Variants in NELL1 observed in about 807,000 individuals in gnomAD.
NELL1 encodes protein kinase C-binding protein NELL1.
NELL1 carries 76 observed loss-of-function variants against 107.4 expected under a neutral mutation model. That is an observed-to-expected ratio of 0.71 (90% CI 0.59 to 0.86). NELL1 has a LOEUF of 0.86. Ranked by LOEUF, NELL1 falls within the 40% of genes least tolerant of loss-of-function variation. NELL1 has a pLI of 0.00. For synonymous variants in NELL1, 353 were observed against 341.2 expected (o/e 1.03, Z -0.38); for missense variants, 1,024 against 1,005.5 (o/e 1.02, Z -0.25).
chr11:21,424,446 C>A (rs951801462), intron 15 of NELL1, among the ~76,000 whole-genome samples: 1 of 151,974 alleles, frequency 6.6e-6, no homozygotes, highest in Non-Finnish European at 1.5e-5. Context: ...CATGGTGAAA[C>A]CCCATCTCCA....
chr11:21,038,676 T>G (rs1448365629), intron 12 of NELL1, among the ~76,000 whole-genome samples: 2 of 152,314 alleles, frequency 1.3e-5, no homozygotes, highest in East Asian at 3.9e-4. Flanking sequence ...CTCCATTGCA[T>G]TTATCATGAT....
At chr11:20,930,803 AG>A in intron 9 of NELL1, among the ~76,000 whole-genome samples, 1 of 144,228 alleles carries the variant, frequency 6.9e-6, no homozygotes, top group East Asian at 2.0e-4. Flanking sequence ...CTAAAACATC[AG>A]TTTTTTTTTT....
At chr11:21,325,317 T>G (rs1445727386) in intron 14 of NELL1, among the ~76,000 whole-genome samples, 1 of 152,090 alleles carries the variant, frequency 6.6e-6, no homozygotes, top group Non-Finnish European at 1.5e-5. Context: ...TAAATAATGC[T>G]TCAGAGGATT....
rs1364672656 is a variant in NELL1 at position 20,820,522 on chromosome 11, TAATTCATAATAA to T, written c.336-27057_336-27046del. 3.3e-5 allele frequency among the ~76,000 whole-genome samples: 5 copies of T among 152,170 alleles called. No homozygotes were observed. In the East Asian group the frequency reaches 7.7e-4, roughly 24 times the overall value. ...TAGCACTCTTAAATTTCTTCTCCACTAATTCATAATAAAATCCAAAGTCCTTACCAAGGCTGT... is the reference window on the plus strand; with the variant it reads ...TAGCACTCTTAAATTTCTTCTCCACTAATCCAAAGTCCTTACCAAGGCTGT... On this transcript the variant is annotated intron_variant, in intron 3 of 19. Coordinates refer to ENST00000357134, the MANE Select transcript of NELL1 (RefSeq NM_006157.5).
intron 15 of NELL1, among the ~76,000 whole-genome samples, chr11:21,396,638 G>A (rs1367932317): frequency 6.6e-6 from 1 of 151,578 alleles, no homozygotes; most frequent in Non-Finnish European, 1.5e-5. Context: ...AATTATTAAT[G>A]CATGATTTAA....
chr11:21,169,470 C>T (rs10500896), intron 13 of NELL1, among the ~76,000 whole-genome samples: 51,242 of 151,638 alleles, frequency 0.34, 9,087 homozygotes, highest in Middle Eastern at 0.4. Flanking sequence ...TGCAGAACTC[C>T]AGGGTATACA....
chr11:21,292,483 C>T (rs1358348666), intron 14 of NELL1, among the ~76,000 whole-genome samples: 1 of 152,032 alleles, frequency 6.6e-6, no homozygotes, highest in Non-Finnish European at 1.5e-5. Context: ...GAATCAGTAT[C>T]GTGAAAATGG....
chr11:21,196,252 A>T (rs1857149153), intron 13 of NELL1, among the ~76,000 whole-genome samples: 1 of 152,158 alleles, frequency 6.6e-6, no homozygotes, highest in Admixed American at 6.5e-5. Context: ...CACAGTGCTA[A>T]GCAATTCTTA....
chr11:21,473,216 G>A (rs182326674), intron 15 of NELL1, among the ~76,000 whole-genome samples: 79 of 152,120 alleles, frequency 5.2e-4, no homozygotes, highest in Non-Finnish European at 1.0e-3. Context: ...AACATTCCAG[G>A]TAGAAGAATG....
intron 5 of NELL1, among the ~76,000 whole-genome samples, chr11:20,890,649 G>A (rs796474604): frequency 6.6e-6 from 1 of 152,014 alleles, no homozygotes; most frequent in Admixed American, 6.6e-5. Context: ...AGAATAACCA[G>A]CTTAGAGAGG....
chr11:20,675,856 G>A (rs1249574436), intron 1 of NELL1, among the ~76,000 whole-genome samples: 1 of 151,886 alleles, frequency 6.6e-6, no homozygotes, highest in Non-Finnish European at 1.5e-5. Context: ...TGCTTCCTGG[G>A]TGCAGGTGAT....
intron 15 of NELL1, among the ~76,000 whole-genome samples, chr11:21,514,691 GCTGTTTCTGGCCAGGGGGCAGA>G (rs1855516074): frequency 7.0e-6 from 1 of 142,972 alleles, no homozygotes; most frequent in African/African-American, 3.0e-5. Flanking sequence ...ATGTGTGTGG[GCTGTTTCTGGCCAGGGGGCAGA>G]CTGTTTGGGT....
chr11:21,495,942 G>T (rs555220705), intron 15 of NELL1, among the ~76,000 whole-genome samples: 1 of 151,872 alleles, frequency 6.6e-6, no homozygotes, highest in Non-Finnish European at 1.5e-5. Context: ...CTGTGACTTT[G>T]TTGTCTATTA....
At chr11:21,034,059 G>T (rs1853028037) in intron 12 of NELL1, among the ~76,000 whole-genome samples, 1 of 152,014 alleles carries the variant, frequency 6.6e-6, no homozygotes, top group Admixed American at 6.6e-5. Flanking sequence ...AGTTGCTTTT[G>T]GTGTCTTCAT....
intron 15 of NELL1, among the ~76,000 whole-genome samples, chr11:21,441,101 A>G (rs1945414): frequency 0.32 from 48,123 of 151,910 alleles, 8,014 homozygotes; most frequent in East Asian, 0.48. Context: ...CTTACCTCCT[A>G]CATCTCAACT....
At chr11:21,077,574 C>G (rs1854168063) in intron 12 of NELL1, among the ~76,000 whole-genome samples, 1 of 151,928 alleles carries the variant, frequency 6.6e-6, no homozygotes, top group Non-Finnish European at 1.5e-5. Flanking sequence ...GAAACCCTGT[C>G]TCTACTAAAA....
chr11:21,217,010 G>T (rs1473457392), intron 13 of NELL1, among the ~76,000 whole-genome samples: 1 of 152,158 alleles, frequency 6.6e-6, no homozygotes, highest in Non-Finnish European at 1.5e-5. Context: ...ATGTGTTGTA[G>T]GAGGGACCCA....
chr11:20,838,216 A>T (rs1214119514), intron 3 of NELL1, among the ~76,000 whole-genome samples: 2 of 151,298 alleles, frequency 1.3e-5, no homozygotes, highest in Non-Finnish European at 2.9e-5. Flanking sequence ...CAATTGTCAG[A>T]TATTTTACCA....
intron 14 of NELL1, among the ~76,000 whole-genome samples, chr11:21,300,266 G>T (rs74901711): frequency 0.012 from 1,757 of 152,058 alleles, 36 homozygotes; most frequent in African/African-American, 0.041. Flanking sequence ...CTGTGAGTCA[G>T]GGATGAGCTC....
Sources: gnomAD v4.1 joint callset for allele counts (sites outside exome capture counted in the v4.1 genomes callset) on GRCh38, gnomAD v4.1.1 for gene constraint, MANE v1.5 for transcripts, NCBI Gene and HGNC (gene_info 2026-07-23, HGNC 2026-07-21) for gene names.